Variants in EPHA6 observed in about 807,000 individuals in gnomAD.
EPHA6 encodes ephrin type-A receptor 6.
In EPHA6, 50 loss-of-function variants were observed where a neutral mutation model predicts 112.0. That is an observed-to-expected ratio of 0.45 (90% CI 0.36 to 0.56). EPHA6 has a LOEUF of 0.56. EPHA6 is among the 20% of genes least tolerant of loss of function. The pLI is 0.00. For missense variants in EPHA6, 1,280 were observed against 1,417.4 expected (o/e 0.90, Z 1.56); for synonymous variants, 529 against 490.7 (o/e 1.08, Z -1.03).
chr3:96,938,884 T>C (rs1398559351), intron 2 of EPHA6, among the ~76,000 whole-genome samples: 2 of 152,220 alleles, frequency 1.3e-5, no homozygotes, highest in African/African-American at 4.8e-5. Context: ...TTGTCTTTGG[T>C]TCTGTTTACA....
At chr3:97,526,088 G>A (rs926035497) in intron 10 of EPHA6, among the ~76,000 whole-genome samples, 4 of 152,176 alleles carry the variant, frequency 2.6e-5, no homozygotes, top group Admixed American at 6.5e-5. Flanking sequence ...TATGTGTACA[G>A]TGGTTTCCTG....
Position 97,387,785 on chromosome 3 carries a change from T to C in EPHA6, c.1607-17365T>C, listed in dbSNP as rs577819259. 2.6e-4 allele frequency among the ~76,000 whole-genome samples: 39 copies of C among 152,302 alleles called. No homozygotes were observed. In the South Asian group the frequency reaches 6.2e-3, roughly 24 times the overall value. On this transcript the variant is annotated intron_variant, in intron 5 of 17. Coordinates refer to ENST00000389672, the MANE Select transcript of EPHA6 (RefSeq NM_001080448.3). ...ACCAATTTTCTGTATTAATCCATTC[T>C]CACACTCCTATAATGACATACCTGA...
intron 14 of EPHA6, among the ~76,000 whole-genome samples, chr3:97,659,757 A>G (rs1185048910): frequency 6.6e-6 from 1 of 152,046 alleles, no homozygotes; most frequent in African/African-American, 2.4e-5. Context: ...AGTGGTACTT[A>G]TTATGCTTAT....
At chr3:97,734,702 T>C (rs1220375107) in intron 15 of EPHA6, among the ~76,000 whole-genome samples, 2 of 152,092 alleles carry the variant, frequency 1.3e-5, no homozygotes, top group Non-Finnish European at 2.9e-5. Flanking sequence ...TGCATTTTTA[T>C]ATTTCTGTAT....
At chr3:97,070,151 T>G (rs2108155871) in intron 3 of EPHA6, among the ~76,000 whole-genome samples, 1 of 152,288 alleles carries the variant, frequency 6.6e-6, no homozygotes, top group Admixed American at 6.5e-5. Flanking sequence ...TATCTCTTGG[T>G]TTTCTTCAGA....
At chr3:97,709,484 G>A (rs973394936) in intron 14 of EPHA6, among the ~76,000 whole-genome samples, 3 of 152,200 alleles carry the variant, frequency 2.0e-5, no homozygotes, top group Non-Finnish European at 4.4e-5. Context: ...TGATTTTATA[G>A]GTTCATAGGT....
At chr3:97,138,690 T>A (rs1387146520) in intron 3 of EPHA6, among the ~76,000 whole-genome samples, 1 of 152,196 alleles carries the variant, frequency 6.6e-6, no homozygotes, top group Non-Finnish European at 1.5e-5. Context: ...AGGAGGACCC[T>A]CCACTGTCCA....
chr3:97,559,859 T>C (rs189268930), intron 11 of EPHA6, among the ~76,000 whole-genome samples: 35 of 152,084 alleles, frequency 2.3e-4, no homozygotes, highest in African/African-American at 8.2e-4. Context: ...AAGTTTACCA[T>C]ATTTTGATTA....
chr3:97,539,510 G>A (rs534232059), intron 11 of EPHA6, among the ~76,000 whole-genome samples: 120 of 152,184 alleles, frequency 7.9e-4, no homozygotes, highest in African/African-American at 2.7e-3. Flanking sequence ...TGTGCCTGTC[G>A]TCCTGGGTCA....
At chr3:97,659,797 T>C (rs375704559) in intron 14 of EPHA6, among the ~76,000 whole-genome samples, 73 of 152,180 alleles carry the variant, frequency 4.8e-4, no homozygotes, top group African/African-American at 1.7e-3. Flanking sequence ...AAAATGATTA[T>C]AAATTATTTT....
intron 5 of EPHA6, among the ~76,000 whole-genome samples, chr3:97,283,192 CT>C (rs552647637): frequency 6.6e-6 from 1 of 151,894 alleles, no homozygotes; most frequent in African/African-American, 2.4e-5. Flanking sequence ...CTGTCAACAA[CT>C]TTTTTTTAAA....
intron 11 of EPHA6, among the ~76,000 whole-genome samples, chr3:97,546,236 G>A (rs764316774): frequency 2.1e-4 from 32 of 151,792 alleles, no homozygotes; most frequent in Admixed American, 5.9e-4. Flanking sequence ...TGCTTCCTTC[G>A]GGAGCTCTTT....
At chr3:96,821,541 G>A (rs1191876495) in intron 1 of EPHA6, among the ~76,000 whole-genome samples, 1 of 151,698 alleles carries the variant, frequency 6.6e-6, no homozygotes, top group African/African-American at 2.4e-5. Flanking sequence ...ATATGACTAG[G>A]CAGTGTATTT....
chr3:97,280,194 T>G (rs1219235586), intron 5 of EPHA6, among the ~76,000 whole-genome samples: 1 of 152,242 alleles, frequency 6.6e-6, no homozygotes, highest in Non-Finnish European at 1.5e-5. Context: ...CTCCCTAGCA[T>G]TTTTAAATAA....
chr3:97,054,771 T>A (rs2045800169), intron 3 of EPHA6, among the ~76,000 whole-genome samples: 2 of 152,124 alleles, frequency 1.3e-5, no homozygotes, highest in South Asian at 4.1e-4. Context: ...CTAAATTTTA[T>A]TTAGCCTGTT....
At chr3:97,440,610 A>G (rs2090086627) in intron 6 of EPHA6, among the ~76,000 whole-genome samples, 1 of 151,038 alleles carries the variant, frequency 6.6e-6, no homozygotes, top group Non-Finnish European at 1.5e-5. Flanking sequence ...TTTATATTAA[A>G]TAATATATTA....
chr3:97,675,985 G>T (rs1381359280), intron 14 of EPHA6, among the ~76,000 whole-genome samples: 1 of 152,114 alleles, frequency 6.6e-6, no homozygotes, highest in African/African-American at 2.4e-5. Flanking sequence ...GGCTTCCTGG[G>T]CAATCTGAAA....
intron 2 of EPHA6, among the ~76,000 whole-genome samples, chr3:96,925,738 T>C (rs1483178659): frequency 6.6e-6 from 1 of 152,000 alleles, no homozygotes; most frequent in Non-Finnish European, 1.5e-5. Flanking sequence ...TCTGAGTAGC[T>C]GGGATTACGA....
At chr3:97,312,219 C>G (rs2081595728) in intron 5 of EPHA6, among the ~76,000 whole-genome samples, 1 of 151,524 alleles carries the variant, frequency 6.6e-6, no homozygotes, top group Non-Finnish European at 1.5e-5. Flanking sequence ...ATTATTCCAT[C>G]TGCAAATAAA....
Sources: gnomAD v4.1 joint callset for allele counts (sites outside exome capture counted in the v4.1 genomes callset) on GRCh38, gnomAD v4.1.1 for gene constraint, MANE v1.5 for transcripts, NCBI Gene and HGNC (gene_info 2026-07-23, HGNC 2026-07-21) for gene names.